NR5A2: variants seen among roughly 807,000 people sequenced by gnomAD.
NR5A2 encodes the protein nuclear receptor subfamily 5 group A member 2.
In NR5A2, 26 loss-of-function variants were observed where a neutral mutation model predicts 62.7. The ratio of observed to expected loss-of-function variants is 0.41; its 90% CI spans 0.30 to 0.58. NR5A2 has a LOEUF of 0.58. Ranked by LOEUF, NR5A2 falls within the 20% of genes least tolerant of loss-of-function variation. The pLI is 0.22. For synonymous variants in NR5A2, 246 were observed against 241.7 expected (o/e 1.02, Z -0.16); for missense variants, 541 against 669.1 (o/e 0.81, Z 2.11).
At chr1:200,154,679 C>A (rs947196945) in intron 7 of NR5A2, among the ~76,000 whole-genome samples, 3 of 152,158 alleles carry the variant, frequency 2.0e-5, no homozygotes, top group Non-Finnish European at 2.9e-5. Flanking sequence ...CATAGTGAGA[C>A]CCCTATCTTT....
At chr1:200,127,899 C>CTATT (rs68047272) in intron 7 of NR5A2, among the ~76,000 whole-genome samples, 19 of 148,016 alleles carry the variant, frequency 1.3e-4, no homozygotes, top group South Asian at 4.3e-4. Flanking sequence ...TACTAAGACA[C>CTATT]TATTTATTTA....
intron 7 of NR5A2, among the ~76,000 whole-genome samples, chr1:200,142,382 A>G (rs1667484507): frequency 6.6e-6 from 1 of 151,574 alleles, no homozygotes; most frequent in Non-Finnish European, 1.5e-5. Flanking sequence ...GTATTTTTAT[A>G]GAGATGGGGT....
At chr1:200,058,670 G>A (rs1386977386) in intron 5 of NR5A2, among the ~76,000 whole-genome samples, 1 of 150,862 alleles carries the variant, frequency 6.6e-6, no homozygotes, top group Non-Finnish European at 1.5e-5. Flanking sequence ...GTAGAGGCGG[G>A]GTTTCACCAC....
intron 1 of NR5A2, chr1:200,029,840 C>T (rs1661485514): frequency 6.6e-6 from 1 of 152,218 alleles, no homozygotes; most frequent in Admixed American, 6.5e-5. Flanking sequence ...GTGAGGTGTC[C>T]GCACCTGCAA....
intron 5 of NR5A2, among the ~76,000 whole-genome samples, chr1:200,065,733 A>AGGG (rs1663437157): frequency 6.6e-6 from 1 of 152,214 alleles, no homozygotes; most frequent in African/African-American, 2.4e-5. Context: ...GTGAGGAGGA[A>AGGG]GGGAGCAGTT....
At chr1:200,110,072 CT>C (rs1665870876) in intron 5 of NR5A2, among the ~76,000 whole-genome samples, 1 of 152,298 alleles carries the variant, frequency 6.6e-6, no homozygotes, top group South Asian at 2.1e-4. Flanking sequence ...GCCAATAAGT[CT>C]TTAGACATAC....
chr1:200,052,705 G>C (rs1397757733), intron 5 of NR5A2, among the ~76,000 whole-genome samples: 1 of 151,538 alleles, frequency 6.6e-6, no homozygotes, highest in Non-Finnish European at 1.5e-5. Flanking sequence ...GCAGTGGTGC[G>C]ATCTTGGCTC....
chr1:200,150,459 GCTT>G (rs1284017776), intron 7 of NR5A2, among the ~76,000 whole-genome samples: 1 of 152,148 alleles, frequency 6.6e-6, no homozygotes, highest in Non-Finnish European at 1.5e-5. Flanking sequence ...TAGAATTAGA[GCTT>G]CTTGTTAAAT....
chr1:200,043,283 C>T (rs554744133), intron 2 of NR5A2, among the ~76,000 whole-genome samples: 1 of 152,308 alleles, frequency 6.6e-6, no homozygotes, highest in Non-Finnish European at 1.5e-5. Context: ...GCTTCAGTTT[C>T]TCTGTCGGAC....
Position 200,173,208 on chromosome 1 carries a change from T to G in NR5A2, c.1379-755T>G, listed in dbSNP as rs1013888668. ...GTTAGGCGGAATGAAATGCCTTTGC[T>G]CATCTTCTCTACATGAGTGACCAGA... On this transcript the variant is annotated intron_variant, in intron 7 of 7. Transcript: ENST00000367362. Among the ~76,000 whole-genome samples the G allele has an allele frequency of 3.9e-5, 6 of 152,194 alleles. 1 individual carries two copies. Among genetic ancestry groups the G allele is most frequent in the African/African-American group, 1.4e-4 (6 of 41,438 alleles).
intron 5 of NR5A2, among the ~76,000 whole-genome samples, chr1:200,080,942 A>G (rs1571438093): frequency 6.6e-6 from 1 of 152,194 alleles, no homozygotes; most frequent in East Asian, 1.9e-4. Context: ...ATGATTACAC[A>G]GATGTCCTTT....
At chr1:200,096,873 A>G (rs766284836) in intron 5 of NR5A2, among the ~76,000 whole-genome samples, 3 of 152,218 alleles carry the variant, frequency 2.0e-5, no homozygotes, top group Non-Finnish European at 4.4e-5. Flanking sequence ...AGACTATTCC[A>G]TATAGCCTAG....
At chr1:200,161,299 G>A (rs559443073) in intron 7 of NR5A2, among the ~76,000 whole-genome samples, 4 of 152,192 alleles carry the variant, frequency 2.6e-5, no homozygotes, top group East Asian at 1.9e-4. Context: ...ATATCCCATC[G>A]ATTTCCAGCC....
intron 6 of NR5A2, among the ~76,000 whole-genome samples, chr1:200,113,900 G>T (rs141075030): frequency 1.3e-5 from 2 of 152,152 alleles, no homozygotes; most frequent in Non-Finnish European, 2.9e-5. Context: ...AAGAAAAGAG[G>T]CCGGGCACAG....
At chr1:200,074,370 A>C (rs1386880375) in intron 5 of NR5A2, among the ~76,000 whole-genome samples, 2 of 151,416 alleles carry the variant, frequency 1.3e-5, no homozygotes, top group African/African-American at 4.9e-5. Flanking sequence ...ATTCAAGACC[A>C]ACATAGCAAG....
intron 7 of NR5A2, among the ~76,000 whole-genome samples, chr1:200,149,029 C>T (rs1433753815): frequency 2.0e-5 from 3 of 151,930 alleles, no homozygotes; most frequent in Non-Finnish European, 2.9e-5. Context: ...TCTCCTGCCT[C>T]GACCTCCCGA....
intron 5 of NR5A2, among the ~76,000 whole-genome samples, chr1:200,084,305 A>G (rs1437324247): frequency 6.6e-6 from 1 of 152,184 alleles, no homozygotes; most frequent in Non-Finnish European, 1.5e-5. Context: ...TTAAGCCTTC[A>G]GGAGATCATA....
rs2102402422 is a variant in NR5A2 at position 200,175,233 on chromosome 1, T to C, written c.*1023T>C. 6.6e-6 allele frequency: 1 copy of C among 152,590 alleles called. No individual in the cohort carries two copies. The highest frequency in any genetic ancestry group is 6.5e-5 in the Admixed American group (1 of 15,312). 9.5% of individuals were successfully genotyped at this position (152,590 alleles called of 1,614,324 possible). A position where few individuals can be genotyped will look rare whatever the true frequency, so the allele number is the denominator to read the frequency against. On this transcript the variant is annotated 3_prime_UTR_variant, in exon 8 of 8. Coordinates refer to ENST00000367362, the MANE Select transcript of NR5A2 (RefSeq NM_205860.3). ...AGTTGGAAACAAAATTGACGCATGT[T>C]AATCTATGCAAAGAGAAAGGAAAGG...
intron 5 of NR5A2, among the ~76,000 whole-genome samples, chr1:200,069,413 A>G (rs1443915198): frequency 6.6e-6 from 1 of 151,986 alleles, no homozygotes; most frequent in Non-Finnish European, 1.5e-5. Flanking sequence ...GGCATGCACC[A>G]CCATGCTTGG....
Sources: gnomAD v4.1 joint callset for allele counts (sites outside exome capture counted in the v4.1 genomes callset) on GRCh38, gnomAD v4.1.1 for gene constraint, MANE v1.5 for transcripts, NCBI Gene and HGNC (gene_info 2026-07-23, HGNC 2026-07-21) for gene names.